The following GLG1 variants were observed in gnomAD, a reference collection of about 807,000 sequenced individuals.
GLG1 encodes the protein golgi glycoprotein 1.
In GLG1, 38 loss-of-function variants were observed where a neutral mutation model predicts 160.5. The ratio of observed to expected loss-of-function variants is 0.24; its 90% CI spans 0.18 to 0.31. The LOEUF is 0.31. Ranked by LOEUF, GLG1 falls within the 10% of genes least tolerant of loss-of-function variation. The pLI, the probability that GLG1 is intolerant of heterozygous loss-of-function variation, is 1.00. For missense variants in GLG1, 1,373 were observed against 1,505.2 expected (o/e 0.91, Z 1.45); for synonymous variants, 644 against 543.4 (o/e 1.19, Z -2.57).
At chr16:74,514,748 C>G (rs1176782361) in intron 2 of GLG1, among the ~76,000 whole-genome samples, 1 of 152,106 alleles carries the variant, frequency 6.6e-6, no homozygotes, top group East Asian at 1.9e-4. Flanking sequence ...GTCGAAATAA[C>G]CAGCTAGCAT....
At chr16:74,548,963 T>C (rs1030045560) in intron 1 of GLG1, among the ~76,000 whole-genome samples, 16 of 152,014 alleles carry the variant, frequency 1.1e-4, no homozygotes, top group African/African-American at 3.9e-4. Flanking sequence ...CTCACTGCAC[T>C]CCAGCCAGGG....
chr16:74,499,915 A>G (rs1460527181), intron 4 of GLG1, among the ~76,000 whole-genome samples: 3 of 152,186 alleles, frequency 2.0e-5, no homozygotes, highest in Non-Finnish European at 4.4e-5. Context: ...AGGCAGGAGA[A>G]TGGCATGAAC....
At chr16:74,597,994 C>T (rs1271310301) in intron 1 of GLG1, among the ~76,000 whole-genome samples, 8 of 151,948 alleles carry the variant, frequency 5.3e-5, no homozygotes, top group Non-Finnish European at 2.9e-5. Context: ...CCAGCCTGGG[C>T]GTCAAGAGCA....
At chr16:74,533,510 G>A (rs901079620) in intron 1 of GLG1, among the ~76,000 whole-genome samples, 1 of 152,152 alleles carries the variant, frequency 6.6e-6, no homozygotes, top group African/African-American at 2.4e-5. Context: ...GGTGAGTGCA[G>A]TGGCTCACAC....
At chr16:74,561,388 G>A (rs1157893162) in intron 1 of GLG1, among the ~76,000 whole-genome samples, 1 of 152,262 alleles carries the variant, frequency 6.6e-6, no homozygotes, top group South Asian at 2.1e-4. Flanking sequence ...AAATCCTAGA[G>A]CATTATGTCT....
intron 1 of GLG1, among the ~76,000 whole-genome samples, chr16:74,567,088 C>G (rs2018673429): frequency 6.6e-6 from 1 of 151,902 alleles, no homozygotes; most frequent in Non-Finnish European, 1.5e-5. Context: ...CTTAATGGGT[C>G]TCCTAAAATC....
intron 2 of GLG1, among the ~76,000 whole-genome samples, chr16:74,513,293 G>A (rs945594257): frequency 4.6e-5 from 7 of 152,118 alleles, no homozygotes; most frequent in Non-Finnish European, 1.0e-4. Context: ...AGTAATTACA[G>A]GATTAGGGTG....
In GLG1 at chr16:74,530,094, G is replaced by A. The variant is rs2017484114; in HGVS notation, c.471+2027C>T. ...TCTGGGATTACAGGTGTGGACTACT[G>A]CGCCCGGCTGGCTCTTTGAGAGTTC... On this transcript the variant is annotated intron_variant, in intron 2 of 25. Transcript: ENST00000422840. 2.6e-5 allele frequency among the ~76,000 whole-genome samples: 4 copies of A among 152,030 alleles called. No homozygotes were observed. The South Asian group carries it at 8.3e-4, about 32-fold the overall frequency.
At chr16:74,502,858 C>T (rs2016459691) in intron 4 of GLG1, among the ~76,000 whole-genome samples, 1 of 150,996 alleles carries the variant, frequency 6.6e-6, no homozygotes, top group African/African-American at 2.4e-5. Context: ...GCATGAGCCA[C>T]CGCGCCCGGC....
chr16:74,561,344 G>T (rs991904529), intron 1 of GLG1, among the ~76,000 whole-genome samples: 8 of 152,290 alleles, frequency 5.3e-5, no homozygotes, highest in South Asian at 2.1e-4. Context: ...GCTTTATACG[G>T]ATGCATTTTC....
intron 24 of GLG1, among the ~76,000 whole-genome samples, 177 bp downstream of exon 24, chr16:74,457,697 C>A (rs2014612317): frequency 6.6e-6 from 1 of 152,220 alleles, no homozygotes; most frequent in Non-Finnish European, 1.5e-5. Context: ...TTCCTAAATT[C>A]ATGATGCCAT....
At chr16:74,555,416 G>A (rs1431972571) in intron 1 of GLG1, among the ~76,000 whole-genome samples, 2 of 152,138 alleles carry the variant, frequency 1.3e-5, no homozygotes, top group East Asian at 3.8e-4. Flanking sequence ...GCTGGGTGCG[G>A]TGGCTCACAC....
intron 1 of GLG1, among the ~76,000 whole-genome samples, chr16:74,591,743 C>T (rs1958189886): frequency 6.6e-6 from 1 of 152,110 alleles, no homozygotes; most frequent in Non-Finnish European, 1.5e-5. Context: ...AGAAATGTTC[C>T]AACCTGGGAA....
chr16:74,456,264 G>A (rs935582250), intron 25 of GLG1, among the ~76,000 whole-genome samples: 8 of 152,222 alleles, frequency 5.3e-5, no homozygotes, highest in African/African-American at 1.2e-4. Context: ...CAGACAGCCC[G>A]ATGCACAGGG....
rs1312272369 is a variant in GLG1 at position 74,491,098 on chromosome 16, T to C, written c.1352A>G (p.His451Arg). 6.8e-6 allele frequency: 11 copies of C among 1,613,886 alleles called. No individual in the cohort carries two copies. In the East Asian group the frequency reaches 8.9e-5, roughly 13 times the overall value. ...CCCTTTTCGATGTAATCCGGAACAATGGTGTTCAATCTCCCCCCGACAGCT... is the reference window on the plus strand; with the variant it reads ...CCCTTTTCGATGTAATCCGGAACAACGGTGTTCAATCTCCCCCCGACAGCT... ...ILSCRGEIEH[H>R]CSGLHRKGRT... Residue 451 changes from histidine (H) to arginine (R), a missense_variant, in exon 8 of 26, where the codon CAT becomes CGT. This residue lies in a region of GLG1 where 386 missense variants were observed against 388.5 expected (regional missense o/e 0.99). Coordinates refer to ENST00000422840, the MANE Select transcript of GLG1 (RefSeq NM_001145667.2).
intron 3 of GLG1, 47 bp downstream of exon 3, chr16:74,508,792 T>C: frequency 1.2e-6 from 1 of 800,854 alleles, no homozygotes; most frequent in Non-Finnish European, 2.2e-6. Flanking sequence ...TCTGGTAATT[T>C]TCTCCTCTAA....
chr16:74,584,726 G>C (rs1277960245), intron 1 of GLG1, among the ~76,000 whole-genome samples: 2 of 152,000 alleles, frequency 1.3e-5, no homozygotes, highest in Non-Finnish European at 2.9e-5. Flanking sequence ...GACTACCCTG[G>C]CCAACATGAT....
chr16:74,551,102 C>T (rs2018186418), intron 1 of GLG1, among the ~76,000 whole-genome samples: 2 of 152,166 alleles, frequency 1.3e-5, no homozygotes, highest in African/African-American at 4.8e-5. Flanking sequence ...AAATGCTATA[C>T]TGGGGCTGGT....
At chr16:74,508,975 G>C in intron 2 of GLG1, 50 bp from the exon 3 acceptor site, 1 of 775,706 alleles carries the variant, frequency 1.3e-6, no homozygotes, top group Non-Finnish European at 2.2e-6. Context: ...AGTTAGAACA[G>C]TACGAAATTT....
Sources: allele counts gnomAD v4.1 joint callset (sites outside exome capture counted in the v4.1 genomes callset), GRCh38; gene constraint gnomAD v4.1.1; regional missense constraint gnomAD v4.1.1; transcripts MANE v1.5; gene names NCBI Gene and HGNC (gene_info 2026-07-23, HGNC 2026-07-21).